Variants in STXBP5L observed in about 807,000 individuals in gnomAD.
STXBP5L encodes syntaxin-binding protein 5-like.
STXBP5L carries 65 observed loss-of-function variants against 144.5 expected under a neutral mutation model. The ratio of observed to expected loss-of-function variants is 0.45; its 90% CI spans 0.37 to 0.55. The LOEUF (loss-of-function observed/expected upper bound fraction) is 0.55, where lower values mean the gene tolerates loss of function less well. STXBP5L is among the 20% of genes least tolerant of loss of function. The pLI is 0.00. For missense variants in STXBP5L, 1,298 were observed against 1,405.5 expected (o/e 0.92, Z 1.22); for synonymous variants, 505 against 469.6 (o/e 1.08, Z -0.97).
intron 10 of STXBP5L, among the ~76,000 whole-genome samples, chr3:121,206,768 G>T (rs1224405140): frequency 1.3e-5 from 2 of 152,054 alleles, no homozygotes; most frequent in Non-Finnish European, 2.9e-5. Context: ...GAGCCAAGAT[G>T]CTGCCACTGC....
intron 22 of STXBP5L, among the ~76,000 whole-genome samples, chr3:121,393,191 A>ATT (rs35499185): frequency 0.035 from 5,073 of 145,552 alleles, 109 homozygotes; most frequent in Non-Finnish European, 0.044. Context: ...GATGTTGAAC[A>ATT]TTTTTTTTTT....
chr3:121,295,204 G>T (rs1212591644), intron 19 of STXBP5L, among the ~76,000 whole-genome samples: 1 of 151,826 alleles, frequency 6.6e-6, no homozygotes, highest in Admixed American at 6.6e-5. Context: ...GATAACTAAA[G>T]GAAAAAAATT....
intron 3 of STXBP5L, among the ~76,000 whole-genome samples, chr3:120,998,602 A>G (rs1249120835): frequency 6.6e-6 from 1 of 152,028 alleles, no homozygotes; most frequent in African/African-American, 2.4e-5. Context: ...CTTATTGTTC[A>G]ACTCCTAATT....
chr3:121,163,521 A>G (rs557698311), intron 9 of STXBP5L, among the ~76,000 whole-genome samples: 11 of 152,152 alleles, frequency 7.2e-5, no homozygotes, highest in Non-Finnish European at 1.2e-4. Context: ...GCAAACCACC[A>G]TGGCACATGA....
chr3:121,126,951 T>TGGG (rs2044731195), intron 7 of STXBP5L, among the ~76,000 whole-genome samples: 1 of 152,200 alleles, frequency 6.6e-6, no homozygotes, highest in Non-Finnish European at 1.5e-5. Flanking sequence ...TGCCTCTTTC[T>TGGG]CACCACAACT....
intron 23 of STXBP5L, among the ~76,000 whole-genome samples, chr3:121,412,926 C>T (rs533748993): frequency 7.4e-4 from 112 of 151,870 alleles, no homozygotes; most frequent in African/African-American, 2.6e-3. Context: ...TCCAGCTACT[C>T]AGGAGGCTGA....
At chr3:121,047,527 C>A (rs763403463) in intron 5 of STXBP5L, among the ~76,000 whole-genome samples, 1 of 152,126 alleles carries the variant, frequency 6.6e-6, no homozygotes, top group Middle Eastern at 3.4e-3. Flanking sequence ...TTTATGAATC[C>A]GGGTACTCCT....
chr3:121,256,238 A>G (rs572265030), intron 16 of STXBP5L, among the ~76,000 whole-genome samples: 83 of 152,232 alleles, frequency 5.5e-4, no homozygotes, highest in Middle Eastern at 3.4e-3. Flanking sequence ...TAAGCACTCA[A>G]TAATTGGTAA....
intron 6 of STXBP5L, among the ~76,000 whole-genome samples, chr3:121,121,224 C>T (rs1006634170): frequency 3.3e-5 from 5 of 151,196 alleles, no homozygotes; most frequent in African/African-American, 9.6e-5. Flanking sequence ...GAGGAGATTT[C>T]GTGTAAAAGG....
At chr3:121,203,005 A>G (rs1424536252) in intron 9 of STXBP5L, among the ~76,000 whole-genome samples, 1 of 151,008 alleles carries the variant, frequency 6.6e-6, no homozygotes, top group Non-Finnish European at 1.5e-5. Flanking sequence ...AATTATGTAT[A>G]TTCTTGTGAT....
At chr3:121,301,885 A>G (rs576006717) in intron 19 of STXBP5L, among the ~76,000 whole-genome samples, 83 of 152,324 alleles carry the variant, frequency 5.4e-4, no homozygotes, top group Middle Eastern at 3.4e-3. Context: ...CTTGCATCCC[A>G]GGGATGAAGC....
intron 11 of STXBP5L, among the ~76,000 whole-genome samples, chr3:121,228,358 A>T (rs564362576): frequency 6.6e-6 from 1 of 152,176 alleles, no homozygotes; most frequent in Non-Finnish European, 1.5e-5. Context: ...TGGTTACATA[A>T]AATAATTCAG....
intron 5 of STXBP5L, among the ~76,000 whole-genome samples, chr3:121,098,318 GA>G (rs2107768870): frequency 6.6e-6 from 1 of 152,304 alleles, no homozygotes; most frequent in East Asian, 1.9e-4. Context: ...GAAGGAGAAG[GA>G]GGAGCAGAGT....
In STXBP5L at chr3:121,002,200, A is replaced by T. The variant is rs182664851; in HGVS notation, c.288-39500A>T. On this transcript the variant is annotated intron_variant, in intron 3 of 26. Coordinates refer to ENST00000471454, the MANE Select transcript of STXBP5L (RefSeq NM_001308330.2). Reference sequence around the variant, plus strand: ...TGTACAGTTGTTTCTTTTTCTTCACATTCTCATCAACACTTATCTTTCTTC... The same window carrying T: ...TGTACAGTTGTTTCTTTTTCTTCACTTTCTCATCAACACTTATCTTTCTTC... 2.4e-4 allele frequency among the ~76,000 whole-genome samples: 37 copies of T among 152,246 alleles called. No individual in the cohort carries two copies. The East Asian group carries it at 7.0e-3, about 29-fold the overall frequency.
chr3:121,274,896 G>A (rs1001415898), intron 18 of STXBP5L, among the ~76,000 whole-genome samples: 2 of 152,198 alleles, frequency 1.3e-5, no homozygotes, highest in Non-Finnish European at 2.9e-5. Flanking sequence ...AGGATGCAGA[G>A]CAGTAGTCTG....
At chr3:121,112,474 C>T (rs2044032364) in intron 5 of STXBP5L, among the ~76,000 whole-genome samples, 1 of 151,968 alleles carries the variant, frequency 6.6e-6, no homozygotes, top group Non-Finnish European at 1.5e-5. Context: ...TGCCAACTGC[C>T]TATTCAGTCC....
intron 10 of STXBP5L, among the ~76,000 whole-genome samples, chr3:121,212,388 A>G (rs759525037): frequency 3.3e-5 from 5 of 151,994 alleles, no homozygotes; most frequent in Non-Finnish European, 5.9e-5. Flanking sequence ...GCTAATTTTT[A>G]TATAAGGTAT....
chr3:121,253,205 T>A (rs918650384), intron 15 of STXBP5L, among the ~76,000 whole-genome samples: 6 of 151,444 alleles, frequency 4.0e-5, no homozygotes, highest in African/African-American at 7.3e-5. Context: ...GTCTATTTTT[T>A]AAAAAATCTA....
intron 11 of STXBP5L, among the ~76,000 whole-genome samples, chr3:121,231,379 C>T (rs2049304742): frequency 6.6e-6 from 1 of 152,168 alleles, no homozygotes; most frequent in South Asian, 2.1e-4. Context: ...TATTGATATT[C>T]CCAACACCTT....
Sources: gnomAD v4.1 joint callset for allele counts (sites outside exome capture counted in the v4.1 genomes callset) on GRCh38, gnomAD v4.1.1 for gene constraint, MANE v1.5 for transcripts, NCBI Gene and HGNC (gene_info 2026-07-23, HGNC 2026-07-21) for gene names.